The following COL4A6 variants were observed in gnomAD, a reference collection of about 807,000 sequenced individuals.
COL4A6 encodes collagen type IV alpha 6 chain.
Under a neutral mutation model 126.7 loss-of-function variants are expected in COL4A6, and 59 were observed. The observed-to-expected ratio is 0.47, with a 90% CI of 0.38 to 0.58. The LOEUF is 0.58. COL4A6 is among the 20% of genes least tolerant of loss of function. The pLI is 0.00. For synonymous variants in COL4A6, 547 were observed against 496.6 expected (o/e 1.10, Z -1.35); for missense variants, 1,285 against 1,337.3 (o/e 0.96, Z 0.61).
chrX:108,389,091 T>C (rs1424887986), intron 2 of COL4A6, among the ~76,000 whole-genome samples: 1 of 112,210 alleles, frequency 8.9e-6, no homozygotes, highest in Non-Finnish European at 1.9e-5. Context: ...TGTTTTGTTA[T>C]GATTTCCGTT....
chrX:108,162,789 C>T (rs972283231), intron 41 of COL4A6, 103 bp downstream of exon 41: 19 of 899,768 alleles, frequency 2.1e-5, no homozygotes, highest in Middle Eastern at 2.9e-4. Context: ...AGAGAGGCAA[C>T]GCTTGATGAA....
chrX:108,385,465 A>G (rs1416975586), intron 2 of COL4A6, among the ~76,000 whole-genome samples: 1 of 111,745 alleles, frequency 8.9e-6, no homozygotes, highest in Non-Finnish European at 1.9e-5. Context: ...AGAATCCCAG[A>G]TGGCTTCTTT....
chrX:108,219,744 TA>T lies in COL4A6; in HGVS notation c.280-3del, dbSNP rs758319598. ...AAAGCCAGGAACTCCCATGGGACCC[TA>T]AAAAAAGGAGTAGGGAGAGGAATGT... On this transcript the variant is annotated splice_polypyrimidine_tract_variant and splice_region_variant and intron_variant, in intron 4 of 44. Transcript: ENST00000334504. The T allele has an allele frequency of 2.5e-6, 3 of 1,201,693 alleles. No individual in the cohort carries two copies. The highest frequency in any genetic ancestry group is 3.4e-6 in the Non-Finnish European group (3 of 887,149).
chrX:108,275,549 C>T (rs556258252), intron 3 of COL4A6, among the ~76,000 whole-genome samples: 1 of 112,670 alleles, frequency 8.9e-6, no homozygotes, highest in Admixed American at 9.4e-5. Flanking sequence ...AATCCCTGAG[C>T]AATAGAGTAT....
At chrX:108,227,689 A>T (rs186189374) in intron 3 of COL4A6, among the ~76,000 whole-genome samples, 4 of 112,033 alleles carry the variant, frequency 3.6e-5, no homozygotes, top group African/African-American at 1.3e-4. Flanking sequence ...ATCATAATAG[A>T]TGAAGCCACC....
At chrX:108,202,681 G>A (rs1231590478) in intron 13 of COL4A6, among the ~76,000 whole-genome samples, 1 of 111,869 alleles carries the variant, frequency 8.9e-6, no homozygotes, top group Non-Finnish European at 1.9e-5. Context: ...CAGCAGTCAA[G>A]CCTAGGTCTG....
At chrX:108,236,871 G>A (rs2036440708) in intron 3 of COL4A6, among the ~76,000 whole-genome samples, 1 of 111,323 alleles carries the variant, frequency 9.0e-6, no homozygotes, top group Non-Finnish European at 1.9e-5. Context: ...TTTCCCTTCT[G>A]AAACCCCCTC....
intron 3 of COL4A6, among the ~76,000 whole-genome samples, chrX:108,222,230 T>C (rs1488963927): frequency 2.7e-5 from 3 of 112,374 alleles, no homozygotes; most frequent in African/African-American, 9.7e-5. Context: ...GGCTGGTCTA[T>C]CATTTAGAAC....
rs140323672 is a variant in COL4A6 at position 108,400,169 on chromosome X, T to C, written c.63+37773A>G. On this transcript the variant is annotated intron_variant, in intron 2 of 44. Transcript: ENST00000334504. ...TAAGAAGTGATTTCTTTGCCCTCTT[T>C]ACTGCTGGGCAAATATTTTGCTGTT... Among the ~76,000 whole-genome samples the C allele has an allele frequency of 1.0e-3, 115 of 111,716 alleles. 4 individuals carry two copies. The East Asian group carries it at 0.031, about 30-fold the overall frequency.
At chrX:108,391,637 G>A (rs1273185718) in intron 2 of COL4A6, among the ~76,000 whole-genome samples, 1 of 112,290 alleles carries the variant, frequency 8.9e-6, no homozygotes. Flanking sequence ...GACCCCCCGA[G>A]CCAGGCACCA....
intron 42 of COL4A6, among the ~76,000 whole-genome samples, chrX:108,161,148 G>A (rs937579555): frequency 1.8e-5 from 2 of 111,778 alleles, no homozygotes; most frequent in Non-Finnish European, 3.8e-5. Flanking sequence ...GTTTCCCACC[G>A]AGCCTCTGAA....
intron 2 of COL4A6, among the ~76,000 whole-genome samples, chrX:108,389,283 G>C (rs1022596689): frequency 9.0e-6 from 1 of 111,444 alleles, no homozygotes; most frequent in Non-Finnish European, 1.9e-5. Context: ...TTAATTTTCT[G>C]TCTTGTTGAT....
At chrX:108,206,169 A>G (rs2035538480) in intron 9 of COL4A6, among the ~76,000 whole-genome samples, 1 of 111,519 alleles carries the variant, frequency 9.0e-6, no homozygotes, top group South Asian at 3.8e-4. Flanking sequence ...TTCAGTATTC[A>G]GGGTGGGTGA....
intron 2 of COL4A6, among the ~76,000 whole-genome samples, chrX:108,411,272 A>C (rs181216854): frequency 2.3e-4 from 26 of 112,055 alleles, no homozygotes; most frequent in African/African-American, 7.8e-4. Context: ...ATACCTTAAA[A>C]ATATAAGGAA....
chrX:108,247,358 A>C (rs1470105015), intron 3 of COL4A6, among the ~76,000 whole-genome samples: 1 of 111,915 alleles, frequency 8.9e-6, no homozygotes, highest in Non-Finnish European at 1.9e-5. Context: ...CGCCTAGTGC[A>C]TAAGTGTTTA....
intron 3 of COL4A6, among the ~76,000 whole-genome samples, chrX:108,273,383 G>T (rs2037507208): frequency 9.1e-6 from 1 of 110,124 alleles, no homozygotes; most frequent in African/African-American, 3.3e-5. Context: ...ACTGTTGGTG[G>T]GACTGTAAAC....
At chrX:108,374,839 T>C (rs912311899) in intron 2 of COL4A6, among the ~76,000 whole-genome samples, 3 of 112,285 alleles carry the variant, frequency 2.7e-5, no homozygotes, top group Non-Finnish European at 3.8e-5. Flanking sequence ...CACAGAAGGA[T>C]TGTTGTTATC....
intron 2 of COL4A6, among the ~76,000 whole-genome samples, chrX:108,422,760 A>G (rs2064002813): frequency 8.9e-6 from 1 of 111,885 alleles, no homozygotes; most frequent in Admixed American, 9.5e-5. Flanking sequence ...GCCTCAACCT[A>G]CTTTCATGGT....
In COL4A6 at chrX:108,179,451, A is replaced by G; in HGVS notation, c.2132-13T>C. 2 of 1,172,919 alleles carry G rather than the reference A, an allele frequency of 1.7e-6. No homozygotes were observed. Among genetic ancestry groups the G allele is most frequent in the Non-Finnish European group, 1.2e-6 (1 of 868,586 alleles). ...GGTCCAGGAAATCCTAAACGTAAAA[A>G]GGCGAACATAAAAGACCATGGCTGT... On this transcript the variant is annotated splice_polypyrimidine_tract_variant and intron_variant, in intron 25 of 44. Coordinates refer to ENST00000334504, the MANE Select transcript of COL4A6 (RefSeq NM_033641.4).
Sources: allele counts gnomAD v4.1 joint callset (sites outside exome capture counted in the v4.1 genomes callset), GRCh38; gene constraint gnomAD v4.1.1; transcripts MANE v1.5; gene names NCBI Gene and HGNC (gene_info 2026-07-23, HGNC 2026-07-21).